FAM20C: variants seen among roughly 807,000 people sequenced by gnomAD.
The protein encoded by FAM20C is FAM20C golgi associated secretory pathway kinase, also known as extracellular serine/threonine protein kinase FAM20C.
In FAM20C, 40 loss-of-function variants were observed where a neutral mutation model predicts 51.5. That is an observed-to-expected ratio of 0.78 (90% confidence interval 0.60 to 1.01). The LOEUF (loss-of-function observed/expected upper bound fraction) is 1.01, where lower values mean the gene tolerates loss of function less well. Ranked by LOEUF, FAM20C falls within the 50% of genes least tolerant of loss-of-function variation. The pLI is 0.00. For missense variants in FAM20C, 861 were observed against 844.7 expected (o/e 1.02, Z -0.24); for synonymous variants, 406 against 380.6 (o/e 1.07, Z -0.78).
intron 3 of FAM20C, among the ~76,000 whole-genome samples, chr7:231,475 C>A (rs1346481249): frequency 6.7e-6 from 1 of 150,370 alleles, no homozygotes; most frequent in African/African-American, 2.4e-5. Flanking sequence ...GTGGAGGACT[C>A]TGTGGGAGGA....
rs1183155948 is a variant in FAM20C at position 258,667 on chromosome 7, C to T, written c.1467C>T (p.Asp489=). Reference sequence around the variant, plus strand: ...GAAGGTTTGGGAAGTATTCGCACGACGAGCTCTCCATCCTGGTGCCGCTAC... The same window carrying T: ...GAAGGTTTGGGAAGTATTCGCACGATGAGCTCTCCATCCTGGTGCCGCTAC... ...NGRGFGKYSH[D]ELSILVPLQQ... The change falls in exon 9 of 10, where the codon GAC becomes GAT. Residue 489 remains aspartate, a synonymous_variant. Transcript: ENST00000313766. 1.4e-5 allele frequency: 21 copies of T among 1,536,636 alleles called. No individual in the cohort carries two copies. The East Asian group carries it at 1.5e-4, about 11-fold the overall frequency.
chr7:248,760 A>T (rs1788281028), intron 5 of FAM20C, among the ~76,000 whole-genome samples: 1 of 145,622 alleles, frequency 6.9e-6, no homozygotes, highest in African/African-American at 2.6e-5. Context: ...CTCCCCAGGT[A>T]GCCTGGCACG....
intron 3 of FAM20C, among the ~76,000 whole-genome samples, chr7:224,256 G>GC (rs765940748): frequency 0.092 from 5,710 of 62,076 alleles, 382 homozygotes; most frequent in South Asian, 0.14. Flanking sequence ...CTGTCACGGG[G>GC]TCGCATGGCG....
chr7:256,885 G>A (rs1490992359), intron 7 of FAM20C, 120 bp from the exon 8 acceptor site: 3 of 1,411,962 alleles, frequency 2.1e-6, no homozygotes, highest in Admixed American at 2.0e-5. Context: ...CCTGTGAAGG[G>A]GCCAGATTGC....
chr7:237,291 G>T (rs1764397234), intron 3 of FAM20C, among the ~76,000 whole-genome samples: 1 of 152,234 alleles, frequency 6.6e-6, no homozygotes. Context: ...ACTGCTCAGA[G>T]GAGTAGGCAG....
At chr7:222,347 G>A (rs1787264002) in intron 3 of FAM20C, among the ~76,000 whole-genome samples, 1 of 152,160 alleles carries the variant, frequency 6.6e-6, no homozygotes, top group Non-Finnish European at 1.5e-5. Flanking sequence ...GGAGCCCAGT[G>A]CTGCAGTTGG....
intron 3 of FAM20C, among the ~76,000 whole-genome samples, chr7:210,874 G>A (rs935919683): frequency 2.6e-5 from 4 of 152,172 alleles, no homozygotes; most frequent in Non-Finnish European, 4.4e-5. Flanking sequence ...CAGGCCCTGC[G>A]GGAACCGGCG....
chr7:247,827 C>T (rs1170538473), intron 4 of FAM20C, among the ~76,000 whole-genome samples: 2 of 152,178 alleles, frequency 1.3e-5, no homozygotes, highest in Non-Finnish European at 2.9e-5. Flanking sequence ...CCTTGGGTCC[C>T]GGGTCGGCCC....
chr7:207,969 C>T (rs997720325), intron 2 of FAM20C, among the ~76,000 whole-genome samples: 1 of 152,252 alleles, frequency 6.6e-6, no homozygotes, highest in Non-Finnish European at 1.5e-5. Flanking sequence ...AGGGAGGCTA[C>T]TGGAGGCTTC....
At chr7:201,755 A>G (rs1477461418) in intron 2 of FAM20C, among the ~76,000 whole-genome samples, 1 of 152,202 alleles carries the variant, frequency 6.6e-6, no homozygotes, top group Non-Finnish European at 1.5e-5. Context: ...TGAGGAGGCA[A>G]CTGCATACGA....
chr7:194,075 A>T (rs138358136), intron 1 of FAM20C: 6,558 of 442,392 alleles, frequency 0.015, 62 homozygotes, highest in Non-Finnish European at 0.02. Flanking sequence ...GCGAGTCCTG[A>T]CCAGCCGTGG....
At position 243,919 on chromosome 7, in the gene FAM20C, A is replaced by AAATAATAAT. The variant is rs769426964; in HGVS notation, c.864-2477_864-2469dup. Among the ~76,000 whole-genome samples, 34 of 142,478 alleles carry AAATAATAAT rather than the reference A, an allele frequency of 2.4e-4. 1 individual carries two copies. Among genetic ancestry groups the AAATAATAAT allele is most frequent in the South Asian group, 9.1e-4 (4 of 4,414 alleles). The allele number at this position is 142,478 out of a possible 152,430, so 93.5% of individuals were successfully genotyped here. A position where few individuals can be genotyped will look rare whatever the true frequency, so the allele number is the denominator to read the frequency against. On this transcript the variant is annotated intron_variant, in intron 3 of 9. Transcript: ENST00000313766. The stretch of plus-strand genomic sequence containing the variant: ...TAAGTAGCTGAGGATTTTCTAAAGA[A>AAATAATAAT]AATAATAATAATAATAATAATAATA...
chr7:211,223 G>A (rs928766094), intron 3 of FAM20C, among the ~76,000 whole-genome samples: 10 of 134,284 alleles, frequency 7.4e-5, no homozygotes, highest in South Asian at 2.6e-4. Context: ...GCCTCCCCTC[G>A]GACCTTCCCA....
intron 5 of FAM20C, among the ~76,000 whole-genome samples, chr7:248,727 T>G (rs1788279017): frequency 7.3e-6 from 1 of 136,398 alleles, no homozygotes; most frequent in Non-Finnish European, 1.5e-5. Context: ...CCAGGTAGCC[T>G]GGCATGGGGA....
chr7:218,781 C>G (rs1025717084), intron 3 of FAM20C, among the ~76,000 whole-genome samples: 19 of 151,148 alleles, frequency 1.3e-4, no homozygotes, highest in Non-Finnish European at 2.2e-4. Context: ...AGATCACTCC[C>G]GTCCGGCCGG....
At chr7:201,507 G>A (rs559917026) in intron 2 of FAM20C, among the ~76,000 whole-genome samples, 20 of 152,212 alleles carry the variant, frequency 1.3e-4, no homozygotes, top group Admixed American at 3.3e-4. Flanking sequence ...CCCCAGGCCC[G>A]GGCCACACAC....
chr7:210,928 G>T (rs1161071812), intron 3 of FAM20C, among the ~76,000 whole-genome samples: 1 of 152,128 alleles, frequency 6.6e-6, no homozygotes, highest in East Asian at 1.9e-4. Flanking sequence ...TGTGCTTGGG[G>T]TTTATATACA....
rs1437542903 is a variant in FAM20C, at chr7:260,198, C to T, written c.*218C>T. On this transcript the variant is annotated 3_prime_UTR_variant, in exon 10 of 10. Transcript: ENST00000313766. ...TTGGGAAGGAAGCGCTGTCTGTGCT[C>T]ACGGACAGAGGCGGCCGGCGCCGGA... The T allele has an allele frequency of 3.3e-6, 2 of 614,284 alleles. No homozygotes were observed. Among genetic ancestry groups the T allele is most frequent in the Non-Finnish European group, 5.1e-6 (2 of 393,630 alleles). 38.1% of individuals were successfully genotyped at this position (614,284 alleles called of 1,614,324 possible). A position where few individuals can be genotyped will look rare whatever the true frequency, so the allele number is the denominator to read the frequency against.
chr7:220,424 G>A lies in FAM20C; in HGVS notation c.863+11448G>A, dbSNP rs140566316. On this transcript the variant is annotated intron_variant, in intron 3 of 9. Coordinates refer to ENST00000313766, the MANE Select transcript of FAM20C (RefSeq NM_020223.4). Reference sequence around the variant, plus strand: ...TAAATTCCCGGGGGGCGTGGTCAACGCACGTGAACAAATACGCAGGAACGT... The same window carrying A: ...TAAATTCCCGGGGGGCGTGGTCAACACACGTGAACAAATACGCAGGAACGT... Among the ~76,000 whole-genome samples the A allele has an allele frequency of 8.8e-4, 30 of 34,266 alleles. No individual in the cohort carries two copies. In the East Asian group the frequency reaches 0.015, roughly 17 times the overall value. The allele number at this position is 34,266 out of a possible 152,430, so 22.5% of individuals were successfully genotyped here. A position where few individuals can be genotyped will look rare whatever the true frequency, so the allele number is the denominator to read the frequency against.
Sources: gnomAD v4.1 joint callset for allele counts (sites outside exome capture counted in the v4.1 genomes callset) on GRCh38, gnomAD v4.1.1 for gene constraint, MANE v1.5 for transcripts, NCBI Gene and HGNC (gene_info 2026-07-23, HGNC 2026-07-21) for gene names.